PPFIA2: variants seen among roughly 807,000 people sequenced by gnomAD.
PPFIA2 encodes the protein PPFI scaffold protein A2, also known as liprin-alpha-2.
Under a neutral mutation model 175.5 loss-of-function variants are expected in PPFIA2, and 46 were observed. That is an observed-to-expected ratio of 0.26 (90% CI 0.21 to 0.34). PPFIA2 has a LOEUF of 0.34. PPFIA2 is among the 10% of genes least tolerant of loss of function. The pLI, the probability that PPFIA2 is intolerant of heterozygous loss-of-function variation, is 1.00. For missense variants in PPFIA2, 1,179 were observed against 1,506.1 expected (o/e 0.78, Z 3.60); for synonymous variants, 568 against 511.4 (o/e 1.11, Z -1.49).
chr12:81,314,226 AT>A (rs2051742216), intron 22 of PPFIA2, among the ~76,000 whole-genome samples: 1 of 151,908 alleles, frequency 6.6e-6, no homozygotes, highest in South Asian at 2.1e-4. Flanking sequence ...TATAAACTTC[AT>A]ATAGGAGGTA....
chr12:81,652,112 A>G (rs1843727098), intron 4 of PPFIA2, among the ~76,000 whole-genome samples: 1 of 151,520 alleles, frequency 6.6e-6, no homozygotes, highest in East Asian at 1.9e-4. Flanking sequence ...GTCTAAAAGT[A>G]GGATGACTGT....
At chr12:81,349,515 G>A (rs770876262) in intron 17 of PPFIA2, among the ~76,000 whole-genome samples, 16 of 151,972 alleles carry the variant, frequency 1.1e-4, no homozygotes, top group Non-Finnish European at 2.2e-4. Flanking sequence ...ATAGTACATA[G>A]TAACATAGCT....
chr12:81,749,496 T>TCCCTTTACCTCTTCTCCAAACA lies in PPFIA2; in HGVS notation c.249+4455_249+4476dup, dbSNP rs1261601944. ...TGACATTTTGCAACAGGAAGCACAT[T>TCCCTTTACCTCTTCTCCAAACA]CCCTTTACCTCTTCTCCAAACATTC... is the stretch of plus-strand genomic sequence containing the variant. On this transcript the variant is annotated intron_variant, in intron 3 of 32. Transcript: ENST00000549396. Among the ~76,000 whole-genome samples, 13 of 143,720 alleles carry TCCCTTTACCTCTTCTCCAAACA rather than the reference T, an allele frequency of 9.0e-5. 3 individuals are homozygous for TCCCTTTACCTCTTCTCCAAACA. The allele number at this position is 143,720 out of a possible 152,430, so 94.3% of individuals were successfully genotyped here.
intron 3 of PPFIA2, among the ~76,000 whole-genome samples, chr12:81,715,719 A>G (rs949354151): frequency 1.6e-4 from 24 of 151,968 alleles, no homozygotes; most frequent in African/African-American, 5.3e-4. Context: ...GGAAATCTAT[A>G]TCACATAAAA....
At chr12:81,317,715 G>A (rs951266151) in intron 22 of PPFIA2, among the ~76,000 whole-genome samples, 4 of 151,508 alleles carry the variant, frequency 2.6e-5, no homozygotes, top group Non-Finnish European at 5.9e-5. Flanking sequence ...TCCAGCTTCT[G>A]TTTATACATT....
chr12:81,626,440 C>T (rs1024759452), intron 4 of PPFIA2, among the ~76,000 whole-genome samples: 3 of 151,922 alleles, frequency 2.0e-5, no homozygotes, highest in Admixed American at 6.6e-5. Context: ...ATTATTAAAA[C>T]CTTATTAAAT....
chr12:81,594,602 A>G (rs958568671), intron 4 of PPFIA2, among the ~76,000 whole-genome samples: 2 of 152,110 alleles, frequency 1.3e-5, no homozygotes, highest in Non-Finnish European at 2.9e-5. Flanking sequence ...TAGAATAGAG[A>G]AACTTGGTGA....
rs374918009 is a variant in PPFIA2 at position 81,729,336 on chromosome 12, A to T, written c.249+24637T>A. On this transcript the variant is annotated intron_variant, in intron 3 of 32. Coordinates refer to ENST00000549396, the MANE Select transcript of PPFIA2 (RefSeq NM_003625.5). The stretch of plus-strand genomic sequence containing the variant: ...ATGATAAAACATTCAAGAAATCGGG[A>T]TTTATTTTTAGAGCAAGTCCTCTGG... Among the ~76,000 whole-genome samples, 65 of 151,594 alleles carry T rather than the reference A, an allele frequency of 4.3e-4. 3 individuals are homozygous for T. In the South Asian group the frequency reaches 0.011, roughly 27 times the overall value.
chr12:81,633,310 G>C (rs2063608729), intron 4 of PPFIA2, among the ~76,000 whole-genome samples: 1 of 152,092 alleles, frequency 6.6e-6, no homozygotes, highest in South Asian at 2.1e-4. Context: ...GGGATGACTA[G>C]ACAGAAAGAG....
chr12:81,380,345 C>G (rs1310481452), intron 9 of PPFIA2, among the ~76,000 whole-genome samples: 1 of 151,940 alleles, frequency 6.6e-6, no homozygotes, highest in African/African-American at 2.4e-5. Context: ...GCCTGGACAA[C>G]AGAGCAAGAC....
At chr12:81,620,661 T>C (rs978684544) in intron 4 of PPFIA2, among the ~76,000 whole-genome samples, 3 of 152,176 alleles carry the variant, frequency 2.0e-5, no homozygotes, top group African/African-American at 7.2e-5. Flanking sequence ...AGTGACACAT[T>C]GGGGAAGAAA....
intron 3 of PPFIA2, among the ~76,000 whole-genome samples, chr12:81,689,917 T>A (rs567391481): frequency 8.5e-5 from 13 of 152,204 alleles, no homozygotes; most frequent in Non-Finnish European, 1.3e-4. Flanking sequence ...GGATATTTCT[T>A]TTGTTTGAGA....
intron 4 of PPFIA2, among the ~76,000 whole-genome samples, chr12:81,620,042 C>G (rs576184250): frequency 1.4e-3 from 212 of 151,480 alleles, no homozygotes; most frequent in Admixed American, 2.6e-3. Flanking sequence ...TGCCTGTAGT[C>G]CCAGCTACTT....
intron 18 of PPFIA2, among the ~76,000 whole-genome samples, chr12:81,346,680 C>G (rs1305970352): frequency 6.6e-6 from 1 of 151,334 alleles, no homozygotes; most frequent in East Asian, 1.9e-4. Flanking sequence ...AATATAAAAT[C>G]TAAAACAAAA....
chr12:81,705,062 C>A (rs1326531115), intron 3 of PPFIA2, among the ~76,000 whole-genome samples: 1 of 83,256 alleles, frequency 1.2e-5, no homozygotes, highest in South Asian at 4.3e-4. Context: ...CCAACCTGGG[C>A]AACAAGAGTG....
intron 3 of PPFIA2, among the ~76,000 whole-genome samples, chr12:81,684,983 C>T (rs895110807): frequency 5.3e-5 from 8 of 151,970 alleles, no homozygotes; most frequent in Non-Finnish European, 1.5e-5. Context: ...AATCATTGTA[C>T]AATCAATAAA....
rs754783897 is a variant in PPFIA2, at chr12:81,753,993, G to C, written c.229C>G (p.Leu77Val). 5 of 1,613,850 alleles carry C rather than the reference G, an allele frequency of 3.1e-6. No individual in the cohort carries two copies. Among genetic ancestry groups the C allele is most frequent in the Non-Finnish European group, 4.2e-6 (5 of 1,179,848 alleles). The change falls in exon 3 of 33, where the codon CTC becomes GTC. Residue 77 changes from leucine (L) to valine (V), a missense_variant. By Grantham distance (32) the Leu-to-Val change is conservative. Coordinates refer to ENST00000549396, the MANE Select transcript of PPFIA2 (RefSeq NM_003625.5). ...IYDRDSLQRQLNSALPQDIES... is the reference protein window; with the variant it reads ...IYDRDSLQRQVNSALPQDIES... ...CATACCTGTGGCAGGGCTGAATTGAGCTGTCTCTGGAGTGAGTCTCGGTCA... is the reference window on the plus strand; with the variant it reads ...CATACCTGTGGCAGGGCTGAATTGACCTGTCTCTGGAGTGAGTCTCGGTCA...
intron 30 of PPFIA2, among the ~76,000 whole-genome samples, chr12:81,264,032 C>T (rs1009679171): frequency 4.6e-5 from 7 of 152,016 alleles, no homozygotes; most frequent in Non-Finnish European, 8.8e-5. Flanking sequence ...TGGGTACCAC[C>T]GAAAGCATAA....
At chr12:81,337,590 G>T (rs1023706526) in intron 21 of PPFIA2, among the ~76,000 whole-genome samples, 4 of 151,962 alleles carry the variant, frequency 2.6e-5, no homozygotes, top group African/African-American at 9.7e-5. Context: ...AATGATTTAG[G>T]AATTTCTCAT....
Sources: allele counts gnomAD v4.1 joint callset (sites outside exome capture counted in the v4.1 genomes callset), GRCh38; gene constraint gnomAD v4.1.1; transcripts MANE v1.5; gene names NCBI Gene and HGNC (gene_info 2026-07-23, HGNC 2026-07-21).